Variants in XCR1 observed in about 807,000 individuals in gnomAD.
XCR1 encodes the protein X-C motif chemokine receptor 1, also known as chemokine XC receptor 1.
For synonymous variants in XCR1, 187 were observed against 188.5 expected, an observed-to-expected ratio of 0.99 and a Z score of 0.06; for missense variants, 356 against 424.2, an observed-to-expected ratio of 0.84 and a Z score of 1.41.
At position 46,017,337 on chromosome 3, in the gene XCR1, T is replaced by A. The variant is rs1395892657; in HGVS notation, c.*3609A>T. On this transcript the variant is annotated 3_prime_UTR_variant, in exon 2 of 2. Coordinates refer to ENST00000309285, the MANE Select transcript of XCR1 (RefSeq NM_001024644.2). ...CATGTTTGCAGACCTTTTTGTCCCA[T>A]CACAGGCATTTGCATAAATGAAACC... The A allele has an allele frequency of 6.6e-6, 1 of 152,164 alleles. No individual in the cohort carries two copies. Among genetic ancestry groups the A allele is most frequent in the Non-Finnish European group, 1.5e-5 (1 of 68,032 alleles). The allele number at this position is 152,164 out of a possible 1,614,324, so 9.4% of individuals were successfully genotyped here.
chr3:46,052,563 A>T (rs1002782050), intron 5 of XCR1, among the ~76,000 whole-genome samples: 1 of 152,098 alleles, frequency 6.6e-6, no homozygotes, highest in Non-Finnish European at 1.5e-5. Context: ...CAATTATAAC[A>T]CTTTCCCATT....
intron 5 of XCR1, among the ~76,000 whole-genome samples, chr3:46,041,655 T>C (rs1697538520): frequency 6.6e-6 from 1 of 152,332 alleles, no homozygotes; most frequent in Non-Finnish European, 1.5e-5. Context: ...CAGTTGTTTT[T>C]GGATAAACAT....
chr3:46,056,895 A>G (rs1475874660), intron 4 of XCR1, among the ~76,000 whole-genome samples: 1 of 152,162 alleles, frequency 6.6e-6, no homozygotes, highest in Non-Finnish European at 1.5e-5. Context: ...CCGTGCAAAC[A>G]TTTGCTCACA....
At chr3:46,084,366 T>G (rs1213406385) in intron 1 of XCR1, among the ~76,000 whole-genome samples, 4 of 152,204 alleles carry the variant, frequency 2.6e-5, no homozygotes, top group African/African-American at 7.2e-5. Flanking sequence ...CCTTTTAAAT[T>G]ATCAGTCCCA....
upstream of XCR1, chr3:46,027,763 A>G (rs1196463547): frequency 1.3e-5 from 2 of 152,174 alleles, no homozygotes; most frequent in Non-Finnish European, 2.9e-5. Flanking sequence ...CCTTTTTTGA[A>G]CATATATCCC....
At chr3:46,075,502 C>T (rs1698243302) in intron 2 of XCR1, among the ~76,000 whole-genome samples, 1 of 151,846 alleles carries the variant, frequency 6.6e-6, no homozygotes, top group Non-Finnish European at 1.5e-5. Flanking sequence ...TTGGACATAA[C>T]ACCAAAAATA....
intron 1 of XCR1, among the ~76,000 whole-genome samples, chr3:46,026,241 G>T (rs960122893): frequency 6.6e-6 from 1 of 152,138 alleles, no homozygotes; most frequent in Non-Finnish European, 1.5e-5. Flanking sequence ...AGGCAGTCAT[G>T]TTCTGGGCCT....
chr3:46,029,071 G>C (rs1407781775), upstream of XCR1, among the ~76,000 whole-genome samples: 2 of 152,186 alleles, frequency 1.3e-5, no homozygotes, highest in Admixed American at 1.3e-4. Flanking sequence ...CAGTACCATA[G>C]AGTTTTGATT....
intron 5 of XCR1, among the ~76,000 whole-genome samples, chr3:46,053,501 G>A (rs1697790263): frequency 6.6e-6 from 1 of 152,184 alleles, no homozygotes; most frequent in Non-Finnish European, 1.5e-5. Context: ...AATTGGAGCT[G>A]TGGGTGGGAC....
chr3:46,057,707 C>T (rs1360433409), intron 4 of XCR1, among the ~76,000 whole-genome samples: 2 of 152,102 alleles, frequency 1.3e-5, no homozygotes, highest in Non-Finnish European at 2.9e-5. Flanking sequence ...ACTGGTTTCC[C>T]TGAAGAAGAA....
intron 5 of XCR1, among the ~76,000 whole-genome samples, chr3:46,033,911 T>A (rs1047234983): frequency 6.6e-6 from 1 of 152,160 alleles, no homozygotes; most frequent in African/African-American, 2.4e-5. Flanking sequence ...GCATTTAAAA[T>A]TTTTTGGTGC....
intron 4 of XCR1, among the ~76,000 whole-genome samples, chr3:46,060,092 A>G (rs941436817): frequency 6.6e-6 from 1 of 152,266 alleles, no homozygotes; most frequent in Non-Finnish European, 1.5e-5. Flanking sequence ...GTACAAACAT[A>G]TAACAAAATA....
intron 1 of XCR1, among the ~76,000 whole-genome samples, chr3:46,083,011 A>C (rs1698404233): frequency 6.6e-6 from 1 of 152,232 alleles, no homozygotes; most frequent in Non-Finnish European, 1.5e-5. Flanking sequence ...ACTCAGGGCC[A>C]CATAAAAGCA....
intron 3 of XCR1, among the ~76,000 whole-genome samples, chr3:46,072,081 T>C (rs1004160232): frequency 6.6e-6 from 1 of 152,212 alleles, no homozygotes; most frequent in African/African-American, 2.4e-5. Context: ...TTAGATTTAA[T>C]AAATGAATTC....
intron 1 of XCR1, chr3:46,024,092 C>T (rs986685822): frequency 1.2e-6 from 1 of 837,928 alleles, no homozygotes; most frequent in Non-Finnish European, 2.0e-6. Context: ...TTGGATTTTA[C>T]ATCTCCAGAA....
At position 46,019,630 on chromosome 3, in the gene XCR1, G is replaced by A. The variant is rs1356424985; in HGVS notation, c.*1316C>T. 1 of 152,430 alleles carries A rather than the reference G, an allele frequency of 6.6e-6. No homozygotes were observed. Among genetic ancestry groups the A allele is most frequent in the Non-Finnish European group, 1.5e-5 (1 of 68,194 alleles). 9.4% of individuals were successfully genotyped at this position (152,430 alleles called of 1,614,324 possible). Reference sequence around the variant, plus strand: ...GAGATATGTGTCTGAAAGAAGGCCAGTGGTGTTTTGGGGTTGGATCCCAAG... The same window carrying A: ...GAGATATGTGTCTGAAAGAAGGCCAATGGTGTTTTGGGGTTGGATCCCAAG... On this transcript the variant is annotated 3_prime_UTR_variant, in exon 2 of 2. Transcript: ENST00000309285.
In XCR1 at chr3:46,034,758, G is replaced by A. The variant is rs1485394624; in HGVS notation, c.-31-12780C>T. On this transcript the variant is annotated intron_variant, in intron 5 of 5. Coordinates refer to the XCR1 transcript ENST00000683768. ...AACTGACCCAATAGTCCCATAGAGAGCTTTTTTGATGAAAAAAGCTTCTGG... is the reference window on the plus strand; with the variant it reads ...AACTGACCCAATAGTCCCATAGAGAACTTTTTTGATGAAAAAAGCTTCTGG... 2.0e-5 allele frequency among the ~76,000 whole-genome samples: 3 copies of A among 151,990 alleles called. 1 individual carries two copies. In the East Asian group the frequency reaches 5.8e-4, roughly 29 times the overall value.
At chr3:46,069,255 G>A (rs1489868008) in intron 3 of XCR1, among the ~76,000 whole-genome samples, 1 of 151,630 alleles carries the variant, frequency 6.6e-6, no homozygotes, top group Non-Finnish European at 1.5e-5. Flanking sequence ...AAAAAATAAG[G>A]AGCAAAATTA....
chr3:46,052,353 G>T (rs1417904690), intron 5 of XCR1, among the ~76,000 whole-genome samples: 1 of 152,108 alleles, frequency 6.6e-6, no homozygotes, highest in Non-Finnish European at 1.5e-5. Context: ...GTGGGGCCCG[G>T]GTCCAGGCCC....
Sources: allele counts gnomAD v4.1 joint callset (sites outside exome capture counted in the v4.1 genomes callset), GRCh38; gene constraint gnomAD v4.1.1; transcripts MANE v1.5; gene names NCBI Gene and HGNC (gene_info 2026-07-23, HGNC 2026-07-21).